PKD2: variants seen among roughly 807,000 people sequenced by gnomAD.
PKD2 encodes polycystin 2, transient receptor potential cation channel, also known as polycystin-2.
In PKD2, 48 loss-of-function variants were observed where a neutral mutation model predicts 105.9. The observed-to-expected ratio is 0.45, with a 90% CI of 0.36 to 0.58. The LOEUF (loss-of-function observed/expected upper bound fraction) is 0.58. Ranked by LOEUF, PKD2 falls within the 20% of genes least tolerant of loss-of-function variation. The pLI is 0.00. For synonymous variants in PKD2, 464 were observed against 481.1 expected (o/e 0.96, Z 0.46); for missense variants, 1,078 against 1,255.3 (o/e 0.86, Z 2.13).
At chr4:88,014,670 G>A (rs1726501071) in intron 1 of PKD2, among the ~76,000 whole-genome samples, 1 of 152,160 alleles carries the variant, frequency 6.6e-6, no homozygotes, top group African/African-American at 2.4e-5. Context: ...ATGTATCTTA[G>A]CACAAAAAGA....
intron 6 of PKD2, among the ~76,000 whole-genome samples, chr4:88,050,746 T>C (rs1720056548): frequency 6.6e-6 from 1 of 152,134 alleles, no homozygotes; most frequent in Admixed American, 6.5e-5. Context: ...CTGCAGGCCT[T>C]CTTGAGTCTG....
chr4:88,010,363 A>T (rs1461095577), intron 1 of PKD2, among the ~76,000 whole-genome samples: 3 of 152,230 alleles, frequency 2.0e-5, no homozygotes, highest in Non-Finnish European at 4.4e-5. Flanking sequence ...GCAACATTTT[A>T]AAATGTTTAG....
intron 5 of PKD2, among the ~76,000 whole-genome samples, chr4:88,045,306 T>C (rs1163216138): frequency 7.9e-5 from 12 of 152,174 alleles, no homozygotes; most frequent in Admixed American, 7.9e-4. Context: ...TCAGAGTTGC[T>C]CTCCTGAGTT....
At chr4:88,015,562 G>A (rs1377732708) in intron 1 of PKD2, among the ~76,000 whole-genome samples, 1 of 151,922 alleles carries the variant, frequency 6.6e-6, no homozygotes, top group Non-Finnish European at 1.5e-5. Context: ...ACAGCCTCCC[G>A]AGTAGCTCAC....
intron 3 of PKD2, 25 bp downstream of exon 3, chr4:88,036,378 AC>A: frequency 6.2e-7 from 1 of 1,609,496 alleles, no homozygotes; most frequent in East Asian, 2.2e-5. Context: ...CTTTGAAAGT[AC>A]CTCTCTATCA....
intron 5 of PKD2, among the ~76,000 whole-genome samples, chr4:88,043,804 C>T (rs75413719): frequency 0.016 from 2,410 of 152,270 alleles, 27 homozygotes; most frequent in Non-Finnish European, 0.025. Context: ...AGTCCCCCGG[C>T]CATCAAATCT....
At chr4:88,066,465 G>T (rs1452686033) in intron 12 of PKD2, among the ~76,000 whole-genome samples, 2 of 151,030 alleles carry the variant, frequency 1.3e-5, no homozygotes, top group African/African-American at 4.9e-5. Flanking sequence ...GGGTTCAAGC[G>T]ATTCTCTTGC....
intron 13 of PKD2, among the ~76,000 whole-genome samples, chr4:88,071,735 C>T (rs190255636): frequency 4.5e-4 from 69 of 152,148 alleles, no homozygotes; most frequent in East Asian, 2.9e-3. Flanking sequence ...CCTTAGAGGG[C>T]GCAGCTGTGG....
chr4:88,035,147 A>G (rs1727289132), intron 2 of PKD2, among the ~76,000 whole-genome samples: 2 of 152,202 alleles, frequency 1.3e-5, no homozygotes, highest in Admixed American at 6.5e-5. Context: ...AGTTTAAGCA[A>G]CTTGCACAGG....
In PKD2 at chr4:88,043,452, G is replaced by A; in HGVS notation, c.1314G>A (p.Val438=). Residue 438 remains valine, a synonymous_variant, in exon 5 of 15, where the codon GTG becomes GTA. Transcript: ENST00000237596. The part of the protein sequence containing the change: ...VYNANINLFC[V]VRLLVEFPAT... The stretch of plus-strand genomic sequence containing the variant: ...ACGCCAACATTAACCTGTTCTGTGT[G>A]GTCAGGTGTGTACTGAGGACATGCA... 6.2e-7 allele frequency: 1 copy of A among 1,603,956 alleles called. No individual in the cohort carries two copies. The highest frequency in any genetic ancestry group is 8.5e-7 in the Non-Finnish European group (1 of 1,170,876).
At chr4:88,054,779 C>G (rs1465660992) in intron 7 of PKD2, among the ~76,000 whole-genome samples, 1 of 151,516 alleles carries the variant, frequency 6.6e-6, no homozygotes, top group Non-Finnish European at 1.5e-5. Context: ...CTCAGCCTCC[C>G]GAGTAGCTGG....
At chr4:88,070,488 C>T (rs1269164842) in intron 13 of PKD2, among the ~76,000 whole-genome samples, 1 of 150,684 alleles carries the variant, frequency 6.6e-6, no homozygotes, top group South Asian at 2.1e-4. Flanking sequence ...ATTGATGTAT[C>T]TTCAAGTTCA....
rs548445442 is a variant in PKD2 at position 88,033,136 on chromosome 4, T to C, written c.710-3084T>C. ...TGAGTTAATGTTTGCTGATTAAATA[T>C]CTGTTACAGGCTGGGCGCGGTGGCT... is the stretch of plus-strand genomic sequence containing the variant. On this transcript the variant is annotated intron_variant, in intron 2 of 14. Coordinates refer to ENST00000237596, the MANE Select transcript of PKD2 (RefSeq NM_000297.4). 8.3e-4 allele frequency among the ~76,000 whole-genome samples: 126 copies of C among 152,198 alleles called. 1 individual carries two copies. Among genetic ancestry groups the C allele is most frequent in the African/African-American group, 3.0e-3 (125 of 41,524 alleles).
chr4:88,008,848 C>T (rs1007478140), intron 1 of PKD2, among the ~76,000 whole-genome samples: 1 of 152,092 alleles, frequency 6.6e-6, no homozygotes, highest in Non-Finnish European at 1.5e-5. Flanking sequence ...GGCAGATTGT[C>T]ATTGGTGCAT....
At chr4:88,071,155 A>G (rs1721022034) in intron 13 of PKD2, among the ~76,000 whole-genome samples, 1 of 151,868 alleles carries the variant, frequency 6.6e-6, no homozygotes, top group South Asian at 2.1e-4. Flanking sequence ...TCCTGAACTC[A>G]AGCAATCCTC....
chr4:88,015,903 CA>C (rs1278773754), intron 1 of PKD2, among the ~76,000 whole-genome samples: 1 of 152,170 alleles, frequency 6.6e-6, no homozygotes, highest in African/African-American at 2.4e-5. Flanking sequence ...CAGCAGTCCC[CA>C]ACCTTTTTGG....
Position 88,075,549 on chromosome 4 carries a change from C to G in PKD2, c.2762C>G (p.Ala921Gly), listed in dbSNP as rs545898956. The G allele has an allele frequency of 6.2e-7, 1 of 1,613,952 alleles. No homozygotes were observed. The highest frequency in any genetic ancestry group is 1.3e-5 in the African/African-American group (1 of 74,928). Residue 921 changes from alanine (A) to glycine (G), a missense_variant, in exon 15 of 15, where the codon GCA becomes GGA. Physicochemically the swap from Ala to Gly is moderately conservative, Grantham distance 60. Coordinates refer to ENST00000237596, the MANE Select transcript of PKD2 (RefSeq NM_000297.4). ...EELERWESDD[A>G]ASQISHGLGT... Reference sequence around the variant, plus strand: ...TTGGAACGCTGGGAATCCGATGATGCAGCTTCCCAGATCAGTCATGGTTTA... The same window carrying G: ...TTGGAACGCTGGGAATCCGATGATGGAGCTTCCCAGATCAGTCATGGTTTA...
intron 10 of PKD2, among the ~76,000 whole-genome samples, chr4:88,062,923 C>G (rs917051451): frequency 6.6e-6 from 1 of 152,214 alleles, no homozygotes; most frequent in African/African-American, 2.4e-5. Flanking sequence ...TGGCACAATT[C>G]TGATACACAC....
chr4:88,041,137 C>CTTTG (rs1727549964), intron 4 of PKD2, among the ~76,000 whole-genome samples: 1 of 152,316 alleles, frequency 6.6e-6, no homozygotes, highest in African/African-American at 2.4e-5. Flanking sequence ...GAGATCTGCT[C>CTTTG]TTTGTTCTGT....
Sources: allele counts gnomAD v4.1 joint callset (sites outside exome capture counted in the v4.1 genomes callset), GRCh38; gene constraint gnomAD v4.1.1; transcripts MANE v1.5; gene names NCBI Gene and HGNC (gene_info 2026-07-23, HGNC 2026-07-21).